The following GABRB1 variants were observed in gnomAD, a reference collection of about 807,000 sequenced individuals.
The protein encoded by GABRB1 is gamma-aminobutyric acid receptor subunit beta-1.
GABRB1 carries 17 observed loss-of-function variants against 51.6 expected under a neutral mutation model. The ratio of observed to expected loss-of-function variants is 0.33; its 90% CI spans 0.23 to 0.49. The LOEUF (loss-of-function observed/expected upper bound fraction) is 0.49, where lower values mean the gene tolerates loss of function less well. Ranked by LOEUF, GABRB1 falls within the 20% of genes least tolerant of loss-of-function variation. GABRB1 has a pLI of 0.99. For missense variants in GABRB1, 410 were observed against 600.6 expected (o/e 0.68, Z 3.32); for synonymous variants, 247 against 218.9 (o/e 1.13, Z -1.14).
chr4:47,138,952 A>C (rs1033890580), intron 3 of GABRB1, among the ~76,000 whole-genome samples: 3 of 152,056 alleles, frequency 2.0e-5, no homozygotes, highest in Non-Finnish European at 2.9e-5. Context: ...TATTTGCTTA[A>C]ATAAGTGGCT....
intron 4 of GABRB1, among the ~76,000 whole-genome samples, chr4:47,302,012 A>G (rs1298188055): frequency 6.6e-6 from 1 of 152,194 alleles, no homozygotes; most frequent in Non-Finnish European, 1.5e-5. Flanking sequence ...AATGAAAGGT[A>G]AAGCCCTTTC....
intron 4 of GABRB1, among the ~76,000 whole-genome samples, chr4:47,236,840 A>G (rs370106347): frequency 6.6e-6 from 1 of 152,300 alleles, no homozygotes; most frequent in African/African-American, 2.4e-5. Context: ...ATCCAAAGCT[A>G]CACTGAAATA....
rs114097780 is a variant in GABRB1 at position 47,323,880 on chromosome 4, G to A, written c.544+3671G>A. Among the ~76,000 whole-genome samples, 571 of 152,290 alleles carry A rather than the reference G, an allele frequency of 3.7e-3. 1 individual carries two copies. Among genetic ancestry groups the A allele is most frequent in the Non-Finnish European group, 6.2e-3 (420 of 68,030 alleles). The stretch of plus-strand genomic sequence containing the variant: ...GAACTTGGAGCAGATTAATAGCTCT[G>A]TAGCCCTGGGATGCTATAAAAGGAG... On this transcript the variant is annotated intron_variant, in intron 5 of 8. Coordinates refer to ENST00000295454, the MANE Select transcript of GABRB1 (RefSeq NM_000812.4).
At chr4:47,094,741 A>G (rs1714314157) in intron 3 of GABRB1, among the ~76,000 whole-genome samples, 1 of 151,534 alleles carries the variant, frequency 6.6e-6, no homozygotes. Flanking sequence ...AAACCTGCAC[A>G]TGTACCCATG....
At chr4:47,070,043 C>CTT (rs1727255417) in intron 3 of GABRB1, among the ~76,000 whole-genome samples, 1 of 145,180 alleles carries the variant, frequency 6.9e-6, no homozygotes, top group African/African-American at 2.5e-5. Context: ...TTTTTCTTTT[C>CTT]TTTTCTTTTT....
In GABRB1 at chr4:47,408,072, A is replaced by G. The variant is rs561229418; in HGVS notation, c.1080+1146A>G. Reference sequence around the variant, plus strand: ...GCGCCACTGCACCCCAGTCTGGGTGACAGAGTGAGACCCTGTCTTAAAATA... The same window carrying G: ...GCGCCACTGCACCCCAGTCTGGGTGGCAGAGTGAGACCCTGTCTTAAAATA... On this transcript the variant is annotated intron_variant, in intron 8 of 8. Coordinates refer to ENST00000295454, the MANE Select transcript of GABRB1 (RefSeq NM_000812.4). Among the ~76,000 whole-genome samples, 11 of 152,326 alleles carry G rather than the reference A, an allele frequency of 7.2e-5. No homozygotes were observed. The South Asian group carries it at 1.7e-3, about 23-fold the overall frequency.
At chr4:47,392,014 G>A (rs1340472171) in intron 5 of GABRB1, among the ~76,000 whole-genome samples, 2 of 151,988 alleles carry the variant, frequency 1.3e-5, no homozygotes, top group African/African-American at 4.8e-5. Context: ...TATCTGGGAG[G>A]CAGAAACCAC....
At chr4:47,277,390 C>T (rs1012939041) in intron 4 of GABRB1, among the ~76,000 whole-genome samples, 8 of 151,624 alleles carry the variant, frequency 5.3e-5, no homozygotes, top group Admixed American at 3.3e-4. Context: ...CTGGGGGAGG[C>T]GGGTATGCTT....
chr4:47,021,542 A>G (rs1478741637), intron 1 of GABRB1, among the ~76,000 whole-genome samples: 1 of 152,070 alleles, frequency 6.6e-6, no homozygotes, highest in Non-Finnish European at 1.5e-5. Context: ...CTCTGCAGGT[A>G]TGTTTATCTT....
intron 3 of GABRB1, among the ~76,000 whole-genome samples, chr4:47,055,652 C>A (rs989074614): frequency 6.6e-6 from 1 of 152,090 alleles, no homozygotes; most frequent in Non-Finnish European, 1.5e-5. Context: ...TTCTAGGGCC[C>A]AAATGGACCC....
intron 4 of GABRB1, among the ~76,000 whole-genome samples, chr4:47,164,268 G>A (rs568591253): frequency 6.6e-6 from 1 of 152,118 alleles, no homozygotes; most frequent in East Asian, 1.9e-4. Flanking sequence ...TTGCTTCTGT[G>A]ATCCTATGTA....
chr4:47,088,526 T>C (rs1193847897), intron 3 of GABRB1, among the ~76,000 whole-genome samples: 4 of 151,996 alleles, frequency 2.6e-5, no homozygotes, highest in South Asian at 2.1e-4. Context: ...AGGCTTAGAG[T>C]ACAAGAAGAA....
chr4:47,115,776 A>G (rs1345952688), intron 3 of GABRB1, among the ~76,000 whole-genome samples: 1 of 152,164 alleles, frequency 6.6e-6, no homozygotes, highest in African/African-American at 2.4e-5. Flanking sequence ...AAAACAGTTA[A>G]CAGTAATTAG....
At chr4:47,059,990 A>G (rs1029941105) in intron 3 of GABRB1, among the ~76,000 whole-genome samples, 1 of 152,210 alleles carries the variant, frequency 6.6e-6, no homozygotes, top group African/African-American at 2.4e-5. Flanking sequence ...CTATGCAAGT[A>G]CCAAGATATG....
At chr4:47,175,512 C>T (rs2109761914) in intron 4 of GABRB1, among the ~76,000 whole-genome samples, 1 of 152,140 alleles carries the variant, frequency 6.6e-6, no homozygotes, top group East Asian at 1.9e-4. Flanking sequence ...TCCCTGATGG[C>T]TTTGGCTTTT....
intron 5 of GABRB1, among the ~76,000 whole-genome samples, chr4:47,358,596 A>C (rs2110007291): frequency 6.6e-6 from 1 of 152,150 alleles, no homozygotes; most frequent in South Asian, 2.1e-4. Flanking sequence ...TCTGTGCCCA[A>C]ATTTCCTCTT....
intron 4 of GABRB1, among the ~76,000 whole-genome samples, chr4:47,288,243 C>CTATTAT (rs34976412): frequency 0.031 from 4,665 of 148,190 alleles, 150 homozygotes; most frequent in African/African-American, 0.077. Context: ...GGGCTTATTA[C>CTATTAT]TATTATTATT....
chr4:47,374,549 G>A (rs984842797), intron 5 of GABRB1, among the ~76,000 whole-genome samples: 3 of 152,234 alleles, frequency 2.0e-5, no homozygotes, highest in African/African-American at 4.8e-5. Context: ...GGAACTTGCA[G>A]TTGGACCATT....
chr4:47,283,490 A>G (rs900662603), intron 4 of GABRB1, among the ~76,000 whole-genome samples: 2 of 142,778 alleles, frequency 1.4e-5, no homozygotes, highest in East Asian at 2.2e-4. Context: ...GGTTCACCCC[A>G]TTCTCCTGCC....
Sources: allele counts gnomAD v4.1 joint callset (sites outside exome capture counted in the v4.1 genomes callset), GRCh38; gene constraint gnomAD v4.1.1; transcripts MANE v1.5; gene names NCBI Gene and HGNC (gene_info 2026-07-23, HGNC 2026-07-21).